Variants in GSG1L observed in about 807,000 individuals in gnomAD.
GSG1L encodes germ cell-specific gene 1-like protein.
Under a neutral mutation model 42.1 loss-of-function variants are expected in GSG1L, and 24 were observed. The observed-to-expected ratio is 0.57, with a 90% CI of 0.41 to 0.80. The LOEUF is 0.80. Among genes scored for constraint, GSG1L ranks in the 30% least tolerant of loss-of-function variants. GSG1L has a pLI of 0.00. For missense variants in GSG1L, 445 were observed against 472.2 expected (o/e 0.94, Z 0.53); for synonymous variants, 215 against 203.5 (o/e 1.06, Z -0.48).
intron 1 of GSG1L, among the ~76,000 whole-genome samples, chr16:27,989,467 C>T (rs955507917): frequency 6.6e-6 from 1 of 152,012 alleles, no homozygotes; most frequent in African/African-American, 2.4e-5. Flanking sequence ...GGACCAGGAG[C>T]GGTGGTTCAC....
At chr16:27,794,086 C>T (rs2082789834) in intron 6 of GSG1L, among the ~76,000 whole-genome samples, 1 of 152,232 alleles carries the variant, frequency 6.6e-6, no homozygotes, top group Admixed American at 6.5e-5. Context: ...GCCATCATGG[C>T]TCACTGCAGC....
Position 27,938,748 on chromosome 16 carries a change from A to C in GSG1L, c.397+24408T>G, listed in dbSNP as rs537389423. 1.1e-3 allele frequency among the ~76,000 whole-genome samples: 170 copies of C among 152,280 alleles called. 2 individuals are homozygous for C. The highest frequency in any genetic ancestry group is 1.0e-4 in the Non-Finnish European group (7 of 68,018). Reference sequence around the variant, plus strand: ...GGATGGGCTGCTTGGAGCCAAAGGTAAGATTCTGAAAGCATGGTGGTAGGA... The same window carrying C: ...GGATGGGCTGCTTGGAGCCAAAGGTCAGATTCTGAAAGCATGGTGGTAGGA... On this transcript the variant is annotated intron_variant, in intron 2 of 6. Transcript: ENST00000447459.
intron 1 of GSG1L, among the ~76,000 whole-genome samples, chr16:27,968,565 T>C (rs2085159400): frequency 6.6e-6 from 1 of 152,124 alleles, no homozygotes; most frequent in Admixed American, 6.6e-5. Context: ...AACATTTTCA[T>C]GGGCCCGTAG....
intron 1 of GSG1L, among the ~76,000 whole-genome samples, chr16:28,060,093 G>A (rs1036637649): frequency 3.9e-5 from 6 of 151,984 alleles, no homozygotes; most frequent in East Asian, 1.9e-4. Flanking sequence ...TTGGATGCAC[G>A]TGAAACACAC....
At chr16:28,046,487 C>T (rs1039026674) in intron 1 of GSG1L, among the ~76,000 whole-genome samples, 7 of 151,654 alleles carry the variant, frequency 4.6e-5, no homozygotes, top group African/African-American at 9.7e-5. Context: ...CCGAATAGCT[C>T]GGACGACAGG....
intron 2 of GSG1L, among the ~76,000 whole-genome samples, chr16:27,910,221 C>T (rs962564991): frequency 2.6e-5 from 4 of 151,734 alleles, no homozygotes; most frequent in Middle Eastern, 3.2e-3. Flanking sequence ...CCTTGGCCTC[C>T]CAAAGTGCAG....
chr16:27,802,207 G>C (rs1307167384), intron 6 of GSG1L, among the ~76,000 whole-genome samples: 1 of 152,114 alleles, frequency 6.6e-6, no homozygotes, highest in Non-Finnish European at 1.5e-5. Context: ...AAGTCAACAG[G>C]GTCCAGCAAC....
intron 1 of GSG1L, among the ~76,000 whole-genome samples, chr16:28,021,920 A>C (rs2085848390): frequency 6.6e-6 from 1 of 152,194 alleles, no homozygotes; most frequent in African/African-American, 2.4e-5. Context: ...TCCTCACAGC[A>C]TGGTGCCTGA....
chr16:27,988,757 A>AG (rs1267913345), intron 1 of GSG1L, among the ~76,000 whole-genome samples: 1 of 151,436 alleles, frequency 6.6e-6, no homozygotes, highest in Non-Finnish European at 1.5e-5. Flanking sequence ...AATTAAGAAA[A>AG]AAAAAAAAAG....
In GSG1L at chr16:28,055,234, C is replaced by T. The variant is rs1024914587; in HGVS notation, c.349+7842G>A. ...ACAGTGACACGATGACAGCTCACTGCAGCCTCAAACTCCTGGGCTCAAGCG... is the reference window on the plus strand; with the variant it reads ...ACAGTGACACGATGACAGCTCACTGTAGCCTCAAACTCCTGGGCTCAAGCG... On this transcript the variant is annotated intron_variant, in intron 1 of 6. Transcript: ENST00000447459. Among the ~76,000 whole-genome samples, 28 of 152,216 alleles carry T rather than the reference C, an allele frequency of 1.8e-4. 1 individual carries two copies. The highest frequency in any genetic ancestry group is 1.5e-5 in the Non-Finnish European group (1 of 68,042).
intron 4 of GSG1L, 39 bp downstream of exon 4, chr16:27,844,911 T>A: frequency 2.1e-6 from 2 of 974,342 alleles, no homozygotes; most frequent in Non-Finnish European, 1.5e-6. Context: ...CCTTGGGCCC[T>A]GGTGCCTGAA....
intron 1 of GSG1L, among the ~76,000 whole-genome samples, chr16:28,049,896 A>T (rs756587684): frequency 2.5e-4 from 38 of 151,926 alleles, no homozygotes. Flanking sequence ...CTACCTCATG[A>T]CTCTGTTTCA....
intron 1 of GSG1L, among the ~76,000 whole-genome samples, chr16:27,979,770 G>T (rs1202924213): frequency 8.0e-6 from 1 of 125,050 alleles, no homozygotes; most frequent in Non-Finnish European, 1.7e-5. Flanking sequence ...AAGAAAGAAG[G>T]AAAGAAAGAA....
Position 28,046,341 on chromosome 16 carries a change from C to CT in GSG1L, c.349+16734dup, listed in dbSNP as rs201480876. Among the ~76,000 whole-genome samples the CT allele has an allele frequency of 5.5e-4, 42 of 76,036 alleles. 3 individuals carry two copies. Among genetic ancestry groups the CT allele is most frequent in the African/African-American group, 2.1e-3 (32 of 15,070 alleles). 49.9% of individuals were successfully genotyped at this position (76,036 alleles called of 152,430 possible). A position where few individuals can be genotyped will look rare whatever the true frequency, so the allele number is the denominator to read the frequency against. ...ACATGCATTGAGGAGGAAGTCCACT[C>CT]TTTTTTTTTTTTTTTTTTTTTTTTT... On this transcript the variant is annotated intron_variant, in intron 1 of 6. Transcript: ENST00000447459.
At position 28,063,434 on chromosome 16, in the gene GSG1L, G is replaced by GCCGCCGGGACGGGACTGCA; in HGVS notation, c.-29_-11dup. ...GGCGGCTAGTCTTCATGCCGCCCGCGCCGCCGGGACGGGACTGCACCGCCG... is the reference window on the plus strand; with the variant it reads ...GGCGGCTAGTCTTCATGCCGCCCGCGCCGCCGGGACGGGACTGCACCGCCGGGACGGGACTGCACCGCCG... On this transcript the variant is annotated 5_prime_UTR_variant, in exon 1 of 7. Coordinates refer to ENST00000447459, the MANE Select transcript of GSG1L (RefSeq NM_001109763.2). The surrounding 1 kb of genome is among the most constrained non-coding windows in gnomAD (Gnocchi z 5.8). 8.0e-7 allele frequency: 1 copy of GCCGCCGGGACGGGACTGCA among 1,252,258 alleles called. No homozygotes were observed. Among genetic ancestry groups the GCCGCCGGGACGGGACTGCA allele is most frequent in the Non-Finnish European group, 1.0e-6 (1 of 993,626 alleles). The allele number at this position is 1,252,258 out of a possible 1,614,324, so 77.6% of individuals were successfully genotyped here.
intron 3 of GSG1L, among the ~76,000 whole-genome samples, chr16:27,873,789 G>C (rs1283571663): frequency 1.3e-5 from 2 of 152,218 alleles, no homozygotes; most frequent in African/African-American, 4.8e-5. Flanking sequence ...AGAAGACTGA[G>C]TTTGGAGAGA....
chr16:27,958,788 C>T (rs971400682), intron 2 of GSG1L, among the ~76,000 whole-genome samples: 1 of 152,076 alleles, frequency 6.6e-6, no homozygotes, highest in Non-Finnish European at 1.5e-5. Flanking sequence ...CATTCTCCTG[C>T]CTCAGCCTCC....
At chr16:27,792,632 G>T (rs1567454917) in intron 6 of GSG1L, among the ~76,000 whole-genome samples, 1 of 152,008 alleles carries the variant, frequency 6.6e-6, no homozygotes, top group Non-Finnish European at 1.5e-5. Context: ...GGCACTCAGG[G>T]ATCTCCCTCA....
intron 2 of GSG1L, among the ~76,000 whole-genome samples, chr16:27,947,540 GGAAAGAAAGAAAGAAAGAAAGAAAGAAA>G (rs773407925): frequency 1.3e-4 from 13 of 97,098 alleles, no homozygotes; most frequent in African/African-American, 2.1e-4. Flanking sequence ...AAAGAATGAA[GGAAAGAAAGAAAGAAAGAAAGAAAGAAA>G]GAAAGAAAGA....
Sources: gnomAD v4.1 joint callset for allele counts (sites outside exome capture counted in the v4.1 genomes callset) on GRCh38, gnomAD v4.1.1 for gene constraint, Gnocchi (gnomAD v3.1) non-coding constraint, MANE v1.5 for transcripts, NCBI Gene and HGNC (gene_info 2026-07-23, HGNC 2026-07-21) for gene names.